TBC1D30: variants seen among roughly 807,000 people sequenced by gnomAD.
The protein encoded by TBC1D30 is TBC1 domain family member 30.
A neutral mutation model predicts 63.2 loss-of-function variants in TBC1D30; 31 were observed. That is an observed-to-expected ratio of 0.49 (90% CI 0.37 to 0.66). TBC1D30 has a LOEUF of 0.66. TBC1D30 is among the 30% of genes least tolerant of loss of function. The pLI is 0.00. For synonymous variants in TBC1D30, 307 were observed against 361.5 expected (o/e 0.85, Z 1.71); for missense variants, 810 against 953.6 (o/e 0.85, Z 1.98).
At chr12:64,814,024 T>C (rs138180116) in intron 2 of TBC1D30, among the ~76,000 whole-genome samples, 514 of 152,244 alleles carry the variant, frequency 3.4e-3, no homozygotes, top group Non-Finnish European at 6.0e-3. Flanking sequence ...TGTGGAGAAG[T>C]GTACCATTTG....
At chr12:64,818,371 T>C in intron 2 of TBC1D30, 6 of 975,106 alleles carry the variant, frequency 6.2e-6, no homozygotes, top group Non-Finnish European at 7.3e-6. Context: ...ATTATTCACA[T>C]AGTATTTTAA....
At chr12:64,791,886 G>A (rs1016976222) in intron 2 of TBC1D30, among the ~76,000 whole-genome samples, 1 of 151,998 alleles carries the variant, frequency 6.6e-6, no homozygotes, top group Non-Finnish European at 1.5e-5. Flanking sequence ...TACTTGGCCT[G>A]TAGGAAGGTT....
At chr12:64,762,828 C>T (rs1870565522) in intron 1 of TBC1D30, among the ~76,000 whole-genome samples, 1 of 151,840 alleles carries the variant, frequency 6.6e-6, no homozygotes, top group Non-Finnish European at 1.5e-5. Context: ...TCAGTATTTG[C>T]CTTTTATTGG....
intron 11 of TBC1D30, among the ~76,000 whole-genome samples, chr12:64,873,835 TTGA>T (rs1878841287): frequency 6.6e-6 from 1 of 152,096 alleles, no homozygotes; most frequent in South Asian, 2.1e-4. Context: ...ACATTTTTAG[TTGA>T]TACTGGGGTA....
rs1329542209 is a variant in TBC1D30 at position 64,875,988 on chromosome 12, C to T, written c.*200C>T. On this transcript the variant is annotated 3_prime_UTR_variant, in exon 12 of 12. Transcript: ENST00000539867. ...GTTTTCCCAGCTACTTGCTAACTGACGAAGTGGATTCTTGTGGCAAAATAA... is the reference window on the plus strand; with the variant it reads ...GTTTTCCCAGCTACTTGCTAACTGATGAAGTGGATTCTTGTGGCAAAATAA... 39 of 517,070 alleles carry T rather than the reference C, an allele frequency of 7.5e-5. No individual in the cohort carries two copies. Among genetic ancestry groups the T allele is most frequent in the Non-Finnish European group, 1.1e-4 (35 of 304,744 alleles). 32.0% of individuals were successfully genotyped at this position (517,070 alleles called of 1,614,324 possible).
At chr12:64,823,801 T>A (rs2136349700), upstream of TBC1D30, among the ~76,000 whole-genome samples, 1 of 152,268 alleles carries the variant, frequency 6.6e-6, no homozygotes, top group South Asian at 2.1e-4. Context: ...TTTTTAAAAA[T>A]TTAATTTGTT....
chr12:64,821,990 C>T (rs989443359), upstream of TBC1D30, among the ~76,000 whole-genome samples: 1 of 152,280 alleles, frequency 6.6e-6, no homozygotes, highest in Middle Eastern at 3.4e-3. Flanking sequence ...CTTTATTAGC[C>T]TGCTTTACTT....
chr12:64,834,582 T>A (rs1339023359), intron 5 of TBC1D30, among the ~76,000 whole-genome samples: 5 of 151,964 alleles, frequency 3.3e-5, no homozygotes, highest in Admixed American at 3.3e-4. Flanking sequence ...AATTTTTATA[T>A]TTTTAGTAGA....
At chr12:64,759,930 T>G (rs938026518) in intron 1 of TBC1D30, among the ~76,000 whole-genome samples, 1 of 152,244 alleles carries the variant, frequency 6.6e-6, no homozygotes, top group Non-Finnish European at 1.5e-5. Context: ...CTACAACTTG[T>G]GAGATAAATC....
intron 2 of TBC1D30, among the ~76,000 whole-genome samples, chr12:64,791,855 A>C (rs2136303360): frequency 6.6e-6 from 1 of 152,210 alleles, no homozygotes; most frequent in Non-Finnish European, 1.5e-5. Flanking sequence ...AAGTGCTGGG[A>C]TTATAAGGCG....
chr12:64,861,491 G>C (rs1344962674), intron 8 of TBC1D30, among the ~76,000 whole-genome samples: 2 of 152,164 alleles, frequency 1.3e-5, no homozygotes, highest in Admixed American at 1.3e-4. Flanking sequence ...GAGCCGAAGA[G>C]ATGAAAGCAT....
At chr12:64,772,061 C>G (rs994089755) in intron 1 of TBC1D30, among the ~76,000 whole-genome samples, 5 of 151,948 alleles carry the variant, frequency 3.3e-5, no homozygotes, top group African/African-American at 1.2e-4. Context: ...TCTAGACCAG[C>G]CTGACCAACA....
intron 11 of TBC1D30, among the ~76,000 whole-genome samples, chr12:64,874,647 C>G (rs1878902998): frequency 6.6e-6 from 1 of 151,856 alleles, no homozygotes; most frequent in Non-Finnish European, 1.5e-5. Context: ...TTTAAATCTG[C>G]AAAGATTTTT....
chr12:64,876,490 C>T lies in TBC1D30; in HGVS notation c.*702C>T, dbSNP rs903791171. On this transcript the variant is annotated 3_prime_UTR_variant, in exon 12 of 12. Transcript: ENST00000539867. ...CAGGACACACTTGGCATATGCTTTACGCAGTTGCTCCGGACAGCTTGCTCG... is the reference window on the plus strand; with the variant it reads ...CAGGACACACTTGGCATATGCTTTATGCAGTTGCTCCGGACAGCTTGCTCG... The T allele has an allele frequency of 2.2e-5, 6 of 268,038 alleles. No individual in the cohort carries two copies. The highest frequency in any genetic ancestry group is 9.0e-5 in the Admixed American group (2 of 22,290). The allele number at this position is 268,038 out of a possible 1,614,324, so 16.6% of individuals were successfully genotyped here.
rs1879039741 is a variant in TBC1D30 at position 64,875,893 on chromosome 12, G to C, written c.*105G>C. 1 of 1,177,358 alleles carries C rather than the reference G, an allele frequency of 8.5e-7. No individual in the cohort carries two copies. The highest frequency in any genetic ancestry group is 1.5e-5 in the African/African-American group (1 of 64,778). The allele number at this position is 1,177,358 out of a possible 1,614,324, so 72.9% of individuals were successfully genotyped here. On this transcript the variant is annotated 3_prime_UTR_variant, in exon 12 of 12. Coordinates refer to ENST00000539867, the MANE Select transcript of TBC1D30 (RefSeq NM_015279.2). ...TTATTTGTCCAGTGAAAATGAATAG[G>C]TTCAGGGATGAGCAACAGCCCATAA...
At chr12:64,833,342 G>A (rs949969740) in intron 5 of TBC1D30, among the ~76,000 whole-genome samples, 3 of 152,206 alleles carry the variant, frequency 2.0e-5, no homozygotes, top group Admixed American at 6.5e-5. Flanking sequence ...TTGCATGTGT[G>A]TCAGTGAGTC....
chr12:64,828,733 C>T (rs894632182), intron 3 of TBC1D30, among the ~76,000 whole-genome samples: 1 of 152,100 alleles, frequency 6.6e-6, no homozygotes, highest in African/African-American at 2.4e-5. Context: ...TTTTTGTCCT[C>T]ATGGAGCTTA....
chr12:64,832,217 C>T lies in TBC1D30; in HGVS notation c.507C>T (p.Asn169=). The T allele has an allele frequency of 1.3e-6, 2 of 1,536,076 alleles. No individual in the cohort carries two copies. Among genetic ancestry groups the T allele is most frequent in the Non-Finnish European group, 8.7e-7 (1 of 1,146,908 alleles). Residue 169 remains asparagine, a synonymous_variant, in exon 5 of 12, where the codon AAC becomes AAT. Transcript: ENST00000539867. The part of the protein sequence containing the change: ...KRVLLAYARW[N]KTVGYCQGFN... The stretch of plus-strand genomic sequence containing the variant: ...TGCTGCTGGCCTATGCCCGATGGAA[C>T]AAAACTGTTGGGTACTGCCAAGGCT...
rs751787123 is a variant in TBC1D30 at position 64,878,430 on chromosome 12, C to G, written c.*2642C>G. ...TTAGATATGTCTGTAGCCTCTTAGC[C>G]CTTTTGCCGGGAATCAACTCATTCT... On this transcript the variant is annotated 3_prime_UTR_variant, in exon 12 of 12. Coordinates refer to ENST00000539867, the MANE Select transcript of TBC1D30 (RefSeq NM_015279.2). 2.2e-6 allele frequency: 1 copy of G among 456,650 alleles called. No individual in the cohort carries two copies. The highest frequency in any genetic ancestry group is 1.5e-5 in the South Asian group (1 of 64,556). 28.3% of individuals were successfully genotyped at this position (456,650 alleles called of 1,614,324 possible).
Sources: gnomAD v4.1 joint callset for allele counts (sites outside exome capture counted in the v4.1 genomes callset) on GRCh38, gnomAD v4.1.1 for gene constraint, MANE v1.5 for transcripts, NCBI Gene and HGNC (gene_info 2026-07-23, HGNC 2026-07-21) for gene names.